PRKG1: variants seen among roughly 807,000 people sequenced by gnomAD.
PRKG1 encodes the protein cGMP-dependent protein kinase 1.
A neutral mutation model predicts 88.1 loss-of-function variants in PRKG1; 35 were observed. The ratio of observed to expected loss-of-function variants is 0.40; its 90% CI spans 0.30 to 0.53. The LOEUF (loss-of-function observed/expected upper bound fraction) is 0.53, where lower values mean the gene tolerates loss of function less well. Ranked by LOEUF, PRKG1 falls within the 20% of genes least tolerant of loss-of-function variation. The probability of loss-of-function intolerance (pLI) is 0.59; values close to 1 mark genes in which losing one functional copy is unlikely to be tolerated. For missense variants in PRKG1, 540 were observed against 839.8 expected (o/e 0.64, Z 4.41); for synonymous variants, 303 against 292.5 (o/e 1.04, Z -0.37).
intron 5 of PRKG1, among the ~76,000 whole-genome samples, chr10:52,027,110 C>T (rs895620673): frequency 6.6e-6 from 1 of 152,180 alleles, no homozygotes; most frequent in African/African-American, 2.4e-5. Context: ...TCCATGGGAA[C>T]TGCACTTGAA....
At chr10:51,751,999 G>A (rs1837737912) in intron 3 of PRKG1, among the ~76,000 whole-genome samples, 1 of 152,036 alleles carries the variant, frequency 6.6e-6, no homozygotes, top group Non-Finnish European at 1.5e-5. Flanking sequence ...TTCAACTCTA[G>A]TACAAACTTT....
intron 2 of PRKG1, among the ~76,000 whole-genome samples, chr10:51,231,859 A>G (rs369750768): frequency 6.6e-6 from 1 of 152,208 alleles, no homozygotes; most frequent in Admixed American, 6.5e-5. Context: ...GACATTTATT[A>G]GAGAATCTGG....
intron 2 of PRKG1, among the ~76,000 whole-genome samples, chr10:51,340,474 GTTTAC>G (rs943518465): frequency 3.4e-4 from 52 of 152,130 alleles, no homozygotes; most frequent in African/African-American, 1.2e-3. Flanking sequence ...GTTTCCAAAT[GTTTAC>G]TTCATTTCAA....
intron 1 of PRKG1, among the ~76,000 whole-genome samples, chr10:51,059,204 G>A (rs1195186956): frequency 6.6e-6 from 1 of 151,932 alleles, no homozygotes; most frequent in Non-Finnish European, 1.5e-5. Context: ...TATTTCAGTG[G>A]TCAGACCTCA....
At chr10:51,708,151 G>C (rs1053694043) in intron 3 of PRKG1, among the ~76,000 whole-genome samples, 2 of 152,124 alleles carry the variant, frequency 1.3e-5, no homozygotes, top group Non-Finnish European at 2.9e-5. Context: ...AAATCAAGGT[G>C]CAAGTAGGTT....
At chr10:51,665,917 ATGTG>A (rs368796918) in intron 3 of PRKG1, among the ~76,000 whole-genome samples, 10 of 150,262 alleles carry the variant, frequency 6.7e-5, no homozygotes, top group Non-Finnish European at 1.0e-4. Flanking sequence ...ATTTATGAAT[ATGTG>A]TGTGTGTGTG....
chr10:51,615,921 G>A (rs1839040921), intron 3 of PRKG1, among the ~76,000 whole-genome samples: 1 of 152,044 alleles, frequency 6.6e-6, no homozygotes, highest in African/African-American at 2.4e-5. Context: ...CTTGATATCT[G>A]CACATCTGAT....
intron 4 of PRKG1, among the ~76,000 whole-genome samples, chr10:51,824,909 A>G (rs1332777629): frequency 6.6e-6 from 1 of 152,186 alleles, no homozygotes; most frequent in African/African-American, 2.4e-5. Flanking sequence ...TCACATTTCA[A>G]CATGAGATTT....
At chr10:51,640,643 A>G (rs897469634) in intron 3 of PRKG1, among the ~76,000 whole-genome samples, 3 of 152,150 alleles carry the variant, frequency 2.0e-5, no homozygotes, top group Non-Finnish European at 4.4e-5. Context: ...ATCTGACTAC[A>G]TTTTTAGGGT....
chr10:51,634,507 T>G (rs148501151), intron 3 of PRKG1, among the ~76,000 whole-genome samples: 9 of 152,296 alleles, frequency 5.9e-5, no homozygotes, highest in African/African-American at 1.9e-4. Context: ...ATGTTCTTAT[T>G]CCAAATCTTG....
chr10:51,234,570 C>G (rs1838933876), intron 2 of PRKG1, among the ~76,000 whole-genome samples: 1 of 152,200 alleles, frequency 6.6e-6, no homozygotes, highest in East Asian at 1.9e-4. Flanking sequence ...TTCATTAATA[C>G]ATAGCATTAA....
intron 1 of PRKG1, among the ~76,000 whole-genome samples, chr10:51,138,679 T>G (rs1280796637): frequency 3.2e-5 from 4 of 123,420 alleles, no homozygotes; most frequent in East Asian, 5.2e-4. Flanking sequence ...AGTTTTGTTT[T>G]TTTTTTTTTT....
intron 5 of PRKG1, among the ~76,000 whole-genome samples, chr10:51,930,621 G>A (rs1842674630): frequency 1.3e-5 from 2 of 149,996 alleles, no homozygotes; most frequent in Non-Finnish European, 3.0e-5. Context: ...CTCCCAAGCA[G>A]CTGGGATTAC....
chr10:52,011,927 C>T (rs1844893403), intron 5 of PRKG1, among the ~76,000 whole-genome samples: 1 of 152,162 alleles, frequency 6.6e-6, no homozygotes, highest in African/African-American at 2.4e-5. Context: ...TCTCTCTTTG[C>T]CTGCTGCCAT....
At chr10:51,309,214 T>G (rs1300118658) in intron 2 of PRKG1, among the ~76,000 whole-genome samples, 2 of 152,106 alleles carry the variant, frequency 1.3e-5, no homozygotes, top group African/African-American at 4.8e-5. Flanking sequence ...AGAGGCAATA[T>G]CTTAGTAACC....
At chr10:52,096,649 A>G (rs1248656625) in intron 7 of PRKG1, among the ~76,000 whole-genome samples, 3 of 152,176 alleles carry the variant, frequency 2.0e-5, no homozygotes, top group Admixed American at 2.0e-4. Flanking sequence ...GTGACTTTGC[A>G]TTAATTTTCT....
At chr10:51,305,900 G>A (rs1841023858) in intron 2 of PRKG1, among the ~76,000 whole-genome samples, 1 of 152,140 alleles carries the variant, frequency 6.6e-6, no homozygotes, top group Non-Finnish European at 1.5e-5. Context: ...ACACCACAGA[G>A]GAATAAGAGG....
chr10:51,656,839 C>T (rs1840172795), intron 3 of PRKG1, among the ~76,000 whole-genome samples: 1 of 152,120 alleles, frequency 6.6e-6, no homozygotes, highest in Non-Finnish European at 1.5e-5. Context: ...TGCCTTCACA[C>T]ATCCTACATG....
chr10:51,790,296 T>C lies in PRKG1; in HGVS notation c.593-14289T>C, dbSNP rs539449895. On this transcript the variant is annotated intron_variant, in intron 3 of 17. Transcript: ENST00000373980. ...AATTCATTGTCACTACCCAATATGT[T>C]AGTGCTAATTTGTTCTCTGTTTCCT... Among the ~76,000 whole-genome samples, 153 of 152,264 alleles carry C rather than the reference T, an allele frequency of 1.0e-3. 1 individual carries two copies. The highest frequency in any genetic ancestry group is 1.8e-3 in the Non-Finnish European group (124 of 68,010).
Sources: allele counts gnomAD v4.1 joint callset (sites outside exome capture counted in the v4.1 genomes callset), GRCh38; gene constraint gnomAD v4.1.1; transcripts MANE v1.5; gene names NCBI Gene and HGNC (gene_info 2026-07-23, HGNC 2026-07-21).